PPP1R7: variants seen among roughly 807,000 people sequenced by gnomAD.
The protein encoded by PPP1R7 is protein phosphatase 1 regulatory subunit 22.
In PPP1R7, 18 loss-of-function variants were observed where a neutral mutation model predicts 45.2. That is an observed-to-expected ratio of 0.40 (90% CI 0.28 to 0.59). The LOEUF is 0.59. PPP1R7 is among the 20% of genes least tolerant of loss of function. PPP1R7 has a pLI of 0.46. For missense variants in PPP1R7, 314 were observed against 455.8 expected (o/e 0.69, Z 2.83); for synonymous variants, 181 against 183.4 (o/e 0.99, Z 0.11).
At chr2:241,158,332 C>T (rs896940652) in intron 3 of PPP1R7, 152 bp from the exon 4 acceptor site, 36 of 683,228 alleles carry the variant, frequency 5.3e-5, no homozygotes, top group Admixed American at 1.6e-4. Flanking sequence ...AAAGAGCCCC[C>T]GCAGCACACC....
At chr2:241,166,894 A>G in intron 8 of PPP1R7, 1 of 661,920 alleles carries the variant, frequency 1.5e-6, no homozygotes, top group East Asian at 2.8e-5. Flanking sequence ...TTCCCAGCCC[A>G]CAGAGAGCAC....
chr2:241,181,604 C>T (rs2068008259), intron 9 of PPP1R7, among the ~76,000 whole-genome samples: 1 of 152,170 alleles, frequency 6.6e-6, no homozygotes, highest in South Asian at 2.1e-4. Context: ...CATGCAGGGA[C>T]CCCCCAGTCG....
At chr2:241,151,445 C>G (rs528130773) in intron 1 of PPP1R7, 1 of 470,792 alleles carries the variant, frequency 2.1e-6, no homozygotes, top group Non-Finnish European at 4.4e-6. Flanking sequence ...AGAAGCAGGG[C>G]GAGCTCTGAG....
chr2:241,168,364 A>G (rs112993682), intron 8 of PPP1R7, among the ~76,000 whole-genome samples: 1 of 151,966 alleles, frequency 6.6e-6, no homozygotes, highest in African/African-American at 2.4e-5. Context: ...GTTCCAGGCC[A>G]CTTTCATTTT....
chr2:241,172,777 T>C (rs2067839819), intron 9 of PPP1R7, among the ~76,000 whole-genome samples: 1 of 152,236 alleles, frequency 6.6e-6, no homozygotes, highest in South Asian at 2.1e-4. Context: ...TATTGTTTTG[T>C]CGTGCATTCT....
At chr2:241,163,112 CTATTG>C in intron 6 of PPP1R7, among the ~76,000 whole-genome samples, 168 bp from the exon 7 acceptor site, 1 of 152,258 alleles carries the variant, frequency 6.6e-6, no homozygotes, top group Non-Finnish European at 1.5e-5. Context: ...GGACTCGCCA[CTATTG>C]TATTCTACCT....
intron 8 of PPP1R7, chr2:241,167,184 T>G (rs1172870663): frequency 1.9e-6 from 2 of 1,033,350 alleles, no homozygotes; most frequent in Admixed American, 5.4e-5. Context: ...ATTTTACTTG[T>G]TTTTTTCTGT....
chr2:241,154,244 A>G (rs929695115), intron 2 of PPP1R7, among the ~76,000 whole-genome samples: 1 of 151,674 alleles, frequency 6.6e-6, no homozygotes, highest in Middle Eastern at 3.5e-3. Context: ...TATTAACCAT[A>G]TGTTTAGGAA....
At chr2:241,182,582 AC>A (rs2068023583) in intron 9 of PPP1R7, 64 bp from the exon 10 acceptor site, 18 of 1,579,842 alleles carry the variant, frequency 1.1e-5, no homozygotes, top group Non-Finnish European at 1.6e-5. Context: ...TGGCTAGTGG[AC>A]CCCACCAGAG....
chr2:241,153,343 C>G, intron 1 of PPP1R7, 133 bp from the exon 2 acceptor site: 1 of 1,220,214 alleles, frequency 8.2e-7, no homozygotes, highest in Non-Finnish European at 1.2e-6. Flanking sequence ...GGGAGACACT[C>G]AGATGTTCGT....
intron 8 of PPP1R7, among the ~76,000 whole-genome samples, chr2:241,167,848 A>C (rs995656168): frequency 2.6e-5 from 4 of 152,214 alleles, no homozygotes; most frequent in African/African-American, 7.2e-5. Context: ...TTTCAACTAA[A>C]GATCAGACAA....
intron 1 of PPP1R7, 25 bp from the exon 2 acceptor site, chr2:241,153,451 T>G (rs371592298): frequency 1.1e-5 from 18 of 1,613,636 alleles, no homozygotes; most frequent in Non-Finnish European, 1.3e-5. Context: ...TGGATGTGAA[T>G]TCTCATTGAC....
At chr2:241,152,408 AAG>A (rs2125477075) in intron 1 of PPP1R7, among the ~76,000 whole-genome samples, 1 of 152,354 alleles carries the variant, frequency 6.6e-6, no homozygotes, top group East Asian at 1.9e-4. Context: ...TAAGCAGGGC[AAG>A]ACAAGTCACA....
rs1293405210 is a variant in PPP1R7 at position 241,159,251 on chromosome 2, G to T, written c.342G>T (p.Glu114Asp). The part of the protein sequence containing the change: ...CLRQNLIKCI[E>D]NLEELQSLRE... ...GCCAAAATTTAATTAAATGCATTGA[G>T]AATCTGGAGGAGCTACAGAGTCTTC... The change falls in exon 5 of 10, where the codon GAG (glutamate) becomes GAT (aspartate). Residue 114 changes from glutamate to aspartate, a missense_variant. Glu to Asp is a conservative substitution (Grantham distance 45). This residue lies in a region of PPP1R7 where 112 missense variants were observed against 144.5 expected (regional missense o/e 0.78). Coordinates refer to ENST00000234038, the MANE Select transcript of PPP1R7 (RefSeq NM_002712.3). 2 of 1,613,806 alleles carry T rather than the reference G, an allele frequency of 1.2e-6. No homozygotes were observed. Among genetic ancestry groups the T allele is most frequent in the South Asian group, 2.2e-5 (2 of 91,040 alleles).
Position 241,159,315 on chromosome 2 carries a change from G to T in PPP1R7, c.406G>T (p.Glu136Ter). ...TTACGACAACCAGATCAAGAAGATT[G>T]AGAATCTGGAGGCGCTAACAGAGCT... ...DLYDNQIKKI[E>*]NLEALTELEI... The change falls in exon 5 of 10, where the codon GAG becomes TAG. Residue 136 changes from glutamate (E) to a stop codon, truncating the protein, a stop_gained. Transcript: ENST00000234038. LOFTEE classifies it high-confidence loss of function. The T allele has an allele frequency of 6.2e-7, 1 of 1,613,674 alleles. No individual in the cohort carries two copies. Among genetic ancestry groups the T allele is most frequent in the South Asian group, 1.1e-5 (1 of 91,030 alleles).
intron 7 of PPP1R7, among the ~76,000 whole-genome samples, chr2:241,165,052 A>G (rs1338119166): frequency 6.6e-6 from 1 of 152,244 alleles, no homozygotes; most frequent in African/African-American, 2.4e-5. Flanking sequence ...CATCTCAAAA[A>G]AAAGAAAGAA....
At position 241,183,050 on chromosome 2, in the gene PPP1R7, T is replaced by C. The variant is rs1418113005; in HGVS notation, c.*227T>C. 5.2e-6 allele frequency: 3 copies of C among 579,498 alleles called. No individual in the cohort carries two copies. Among genetic ancestry groups the C allele is most frequent in the Non-Finnish European group, 9.2e-6 (3 of 325,618 alleles). The allele number at this position is 579,498 out of a possible 1,614,324, so 35.9% of individuals were successfully genotyped here. ...CTCCTGGGTGATTGTTGACAGTTAT[T>C]GTAGCCACAGAGAGAACATAAGACA... is the stretch of plus-strand genomic sequence containing the variant. On this transcript the variant is annotated 3_prime_UTR_variant, in exon 10 of 10. Coordinates refer to ENST00000234038, the MANE Select transcript of PPP1R7 (RefSeq NM_002712.3).
At chr2:241,166,560 G>A (rs2067715873) in intron 8 of PPP1R7, 119 bp downstream of exon 8, 1 of 807,718 alleles carries the variant, frequency 1.2e-6, no homozygotes, top group Non-Finnish European at 2.0e-6. Flanking sequence ...CCCTGCCTCT[G>A]GAGGTTTATC....
At chr2:241,176,229 TTGAA>T (rs1375549669) in intron 9 of PPP1R7, among the ~76,000 whole-genome samples, 1 of 152,066 alleles carries the variant, frequency 6.6e-6, no homozygotes, top group Non-Finnish European at 1.5e-5. Context: ...TGAAACATAT[TTGAA>T]TGAGCAGAAG....
Sources: gnomAD v4.1 joint callset for allele counts (sites outside exome capture counted in the v4.1 genomes callset) on GRCh38, gnomAD v4.1.1 for gene constraint, gnomAD v4.1.1 regional missense constraint, MANE v1.5 for transcripts, NCBI Gene and HGNC (gene_info 2026-07-23, HGNC 2026-07-21) for gene names.